GABRG3: variants seen among roughly 807,000 people sequenced by gnomAD.
The protein encoded by GABRG3 is gamma-aminobutyric acid type A receptor subunit gamma3.
Under a neutral mutation model 48.8 loss-of-function variants are expected in GABRG3, and 25 were observed. The observed-to-expected ratio is 0.51, with a 90% CI of 0.37 to 0.72. GABRG3 has a LOEUF of 0.72. Among genes scored for constraint, GABRG3 ranks in the 30% least tolerant of loss-of-function variants. GABRG3 has a pLI of 0.00. For missense variants in GABRG3, 394 were observed against 577.9 expected (o/e 0.68, Z 3.26); for synonymous variants, 227 against 217.6 (o/e 1.04, Z -0.38).
chr15:27,131,636 A>G (rs559981872), intron 3 of GABRG3, among the ~76,000 whole-genome samples: 4 of 152,042 alleles, frequency 2.6e-5, no homozygotes. Context: ...TTTTTTTTAA[A>G]GTTTTATTTT....
intron 3 of GABRG3, among the ~76,000 whole-genome samples, chr15:27,250,191 G>A (rs970377572): frequency 5.3e-5 from 8 of 152,082 alleles, no homozygotes; most frequent in African/African-American, 9.7e-5. Flanking sequence ...TCCCCTCACC[G>A]AAACCCCTAG....
chr15:27,480,212 C>T (rs1404168241), intron 5 of GABRG3, among the ~76,000 whole-genome samples: 1 of 152,210 alleles, frequency 6.6e-6, no homozygotes, highest in African/African-American at 2.4e-5. Flanking sequence ...CCTTAGTGAG[C>T]TCCTCTTTCC....
At chr15:27,331,537 G>T (rs1183834058) in intron 5 of GABRG3, among the ~76,000 whole-genome samples, 1 of 152,184 alleles carries the variant, frequency 6.6e-6, no homozygotes, top group East Asian at 1.9e-4. Context: ...TTCTGGAAAA[G>T]GCAAAACTGC....
chr15:27,147,831 CATAA>C (rs1391656411), intron 3 of GABRG3, among the ~76,000 whole-genome samples: 1 of 151,898 alleles, frequency 6.6e-6, no homozygotes, highest in African/African-American at 2.4e-5. Context: ...AGCAGTGCTT[CATAA>C]ATAGATAGCT....
chr15:27,091,999 C>T (rs942700618), intron 3 of GABRG3, among the ~76,000 whole-genome samples: 7 of 152,154 alleles, frequency 4.6e-5, no homozygotes, highest in Admixed American at 1.3e-4. Flanking sequence ...GAGGAACACC[C>T]CAGAGGTCCC....
chr15:27,198,281 A>G (rs1235590286), intron 3 of GABRG3, among the ~76,000 whole-genome samples: 2 of 152,232 alleles, frequency 1.3e-5, no homozygotes, highest in African/African-American at 4.8e-5. Flanking sequence ...AGAATCTACA[A>G]GGAACTTAAA....
At chr15:27,226,943 C>T (rs931340558) in intron 3 of GABRG3, among the ~76,000 whole-genome samples, 7 of 152,108 alleles carry the variant, frequency 4.6e-5, no homozygotes, top group African/African-American at 1.7e-4. Flanking sequence ...CCTCCTAAAG[C>T]AGTACTATTT....
chr15:27,200,938 A>G (rs1888661280), intron 3 of GABRG3, among the ~76,000 whole-genome samples: 1 of 152,048 alleles, frequency 6.6e-6, no homozygotes, highest in South Asian at 2.1e-4. Context: ...TTTTTAGCTC[A>G]TCCATACTTC....
intron 2 of GABRG3, among the ~76,000 whole-genome samples, chr15:26,989,055 G>A (rs1895201151): frequency 6.6e-6 from 1 of 152,040 alleles, no homozygotes; most frequent in Non-Finnish European, 1.5e-5. Flanking sequence ...ACTCACTCAG[G>A]GGTAGTCACT....
intron 6 of GABRG3, among the ~76,000 whole-genome samples, chr15:27,517,083 A>G (rs1184610796): frequency 2.0e-5 from 3 of 150,876 alleles, no homozygotes; most frequent in Non-Finnish European, 4.4e-5. Context: ...CATCGTGCCC[A>G]CCTCCATGCA....
chr15:27,323,762 C>T (rs1209957023), intron 3 of GABRG3, among the ~76,000 whole-genome samples: 1 of 152,208 alleles, frequency 6.6e-6, no homozygotes, highest in Non-Finnish European at 1.5e-5. Flanking sequence ...CACCTGCACA[C>T]CCCAGAACCC....
chr15:27,211,898 ACCATGCCCATCC>A (rs1889092449), intron 3 of GABRG3, among the ~76,000 whole-genome samples: 1 of 152,214 alleles, frequency 6.6e-6, no homozygotes, highest in Admixed American at 6.5e-5. Flanking sequence ...TAGATGAGTT[ACCATGCCCATCC>A]CCTGAGAAAC....
chr15:27,493,633 G>GAGAT (rs1246325540), intron 6 of GABRG3, among the ~76,000 whole-genome samples: 3 of 152,154 alleles, frequency 2.0e-5, no homozygotes, highest in Non-Finnish European at 4.4e-5. Context: ...TAAAGATTCA[G>GAGAT]AGATAGAAAT....
rs1321535688 is a variant in GABRG3, at chr15:27,457,923, G to C, written c.575-22727G>C. ...AGCTTCCAGGCTCCAGGGCTTTGGG[G>C]TCTCTCGTGGGACCTTATTGATGTA... On this transcript the variant is annotated intron_variant, in intron 5 of 9. Transcript: ENST00000615808. This position sits in a 1 kb window ranked among gnomAD's most constrained non-coding sequence, Gnocchi z 4.4. Among the ~76,000 whole-genome samples, 1 of 152,176 alleles carries C rather than the reference G, an allele frequency of 6.6e-6. No individual in the cohort carries two copies. Among genetic ancestry groups the C allele is most frequent in the Non-Finnish European group, 1.5e-5 (1 of 68,032 alleles).
chr15:27,325,454 C>T (rs1329945205), intron 3 of GABRG3, among the ~76,000 whole-genome samples: 1 of 152,180 alleles, frequency 6.6e-6, no homozygotes, highest in East Asian at 1.9e-4. Flanking sequence ...GCTTTCCTGC[C>T]ATTTGCTCCC....
intron 3 of GABRG3, among the ~76,000 whole-genome samples, chr15:27,091,065 C>T (rs982031205): frequency 2.0e-5 from 3 of 152,208 alleles, no homozygotes; most frequent in African/African-American, 4.8e-5. Flanking sequence ...ATACTTGTCT[C>T]GTTCCTGTTC....
chr15:27,041,644 A>G (rs193169407), intron 3 of GABRG3, among the ~76,000 whole-genome samples: 5 of 152,298 alleles, frequency 3.3e-5, no homozygotes, highest in African/African-American at 1.2e-4. Flanking sequence ...TATTATTCGT[A>G]GTGTGTTCAT....
intron 2 of GABRG3, among the ~76,000 whole-genome samples, chr15:26,992,675 T>C (rs1429229460): frequency 6.6e-6 from 1 of 152,164 alleles, no homozygotes; most frequent in Non-Finnish European, 1.5e-5. Context: ...GGCCTGTAGT[T>C]TTCTTTTTTT....
At chr15:27,367,473 A>T (rs1429665912) in intron 5 of GABRG3, among the ~76,000 whole-genome samples, 2 of 151,918 alleles carry the variant, frequency 1.3e-5, no homozygotes, top group Admixed American at 6.6e-5. Context: ...AGAATACCAC[A>T]TTTTTTTTCC....
Sources: allele counts gnomAD v4.1 joint callset (sites outside exome capture counted in the v4.1 genomes callset), GRCh38; gene constraint gnomAD v4.1.1; non-coding constraint Gnocchi (gnomAD v3.1); transcripts MANE v1.5; gene names NCBI Gene and HGNC (gene_info 2026-07-23, HGNC 2026-07-21).